MAF: variants seen among roughly 807,000 people sequenced by gnomAD.
MAF encodes transcription factor Maf.
MAF carries 10 observed loss-of-function variants against 22.0 expected under a neutral mutation model. The ratio of observed to expected loss-of-function variants is 0.45; its 90% CI spans 0.28 to 0.77. The LOEUF is 0.77. Ranked by LOEUF, MAF falls within the 30% of genes least tolerant of loss-of-function variation. MAF has a pLI of 0.12. For missense variants in MAF, 544 were observed against 548.4 expected (o/e 0.99, Z 0.08); for synonymous variants, 337 against 255.8 (o/e 1.32, Z -3.03).
chr16:79,562,207 C>A, the MAF span, among the ~76,000 whole-genome samples: 163 of 152,246 alleles, frequency 1.1e-3, 1 homozygote, highest in African/African-American at 3.8e-3. Flanking sequence ...CATTCTGTTC[C>A]CAGTCTTTAC....
At chr16:79,405,884 G>C in the MAF span, among the ~76,000 whole-genome samples, 3 of 152,158 alleles carry the variant, frequency 2.0e-5, no homozygotes, top group Non-Finnish European at 4.4e-5. Flanking sequence ...TTCCTCCCAG[G>C]CTTTCCCATT....
the MAF span, among the ~76,000 whole-genome samples, chr16:79,515,457 A>G: frequency 1.3e-5 from 2 of 152,234 alleles, no homozygotes; most frequent in African/African-American, 4.8e-5. Context: ...TCAACACTTT[A>G]TTACAAAACA....
the MAF span, among the ~76,000 whole-genome samples, chr16:79,398,576 T>C: frequency 6.6e-6 from 1 of 152,122 alleles, no homozygotes; most frequent in Non-Finnish European, 1.5e-5. Context: ...GAGATAGAAG[T>C]CTGATGGTAT....
the MAF span, among the ~76,000 whole-genome samples, chr16:79,489,499 G>A: frequency 6.6e-6 from 1 of 152,218 alleles, no homozygotes; most frequent in Non-Finnish European, 1.5e-5. Context: ...CAATCTTACT[G>A]CATGAGGGAA....
chr16:79,499,574 C>T, the MAF span, among the ~76,000 whole-genome samples: 1 of 152,084 alleles, frequency 6.6e-6, no homozygotes, highest in Non-Finnish European at 1.5e-5. Flanking sequence ...ATGGGGTCAT[C>T]ATGAATGGGG....
At chr16:79,396,148 G>T in the MAF span, among the ~76,000 whole-genome samples, 3 of 152,318 alleles carry the variant, frequency 2.0e-5, 1 homozygote, top group African/African-American at 7.2e-5. Context: ...GCTGCATAAA[G>T]GGTGTTTGTC....
At chr16:79,226,526 A>C in the MAF span, among the ~76,000 whole-genome samples, 1 of 152,022 alleles carries the variant, frequency 6.6e-6, no homozygotes, top group Non-Finnish European at 1.5e-5. Context: ...TAAAGTATAT[A>C]AAAAAATTTA....
chr16:79,500,001 A>G, the MAF span, among the ~76,000 whole-genome samples: 104 of 152,266 alleles, frequency 6.8e-4, no homozygotes, highest in Admixed American at 3.5e-3. Context: ...ACACATAGAG[A>G]GGTTATATAA....
chr16:79,407,793 C>T, the MAF span, among the ~76,000 whole-genome samples: 1 of 152,070 alleles, frequency 6.6e-6, no homozygotes, highest in South Asian at 2.1e-4. Flanking sequence ...TCCAGTCGAG[C>T]CGCCCCACGA....
chr16:79,595,235 CA>C lies in MAF; in HGVS notation c.1119-683del, dbSNP rs369529931. The C allele has an allele frequency of 7.8e-4, 816 of 1,043,452 alleles. 14 individuals carry two copies. In the South Asian group the frequency reaches 0.031, roughly 40 times the overall value. 64.6% of individuals were successfully genotyped at this position (1,043,452 alleles called of 1,614,324 possible). On this transcript the variant is annotated intron_variant, in intron 1 of 1. Transcript: ENST00000326043. ...TGTTAAGCAAAATTAAGTGTGGATT[CA>C]GGAGCCTGTCTAAACTAGCACATAA...
At chr16:79,211,920 G>GCAGT in the MAF span, 3 of 1,543,480 alleles carry the variant, frequency 1.9e-6, no homozygotes, top group African/African-American at 2.7e-5. Flanking sequence ...GGAAATAAGA[G>GCAGT]CAGTCACAAC....
chr16:79,328,821 A>C, the MAF span, among the ~76,000 whole-genome samples: 1 of 152,164 alleles, frequency 6.6e-6, no homozygotes, highest in Admixed American at 6.5e-5. Context: ...TCTCTGTCAG[A>C]TTGAATGCCA....
At chr16:79,284,654 A>C in the MAF span, among the ~76,000 whole-genome samples, 2 of 152,218 alleles carry the variant, frequency 1.3e-5, no homozygotes, top group East Asian at 3.8e-4. Context: ...TGACTTTTTA[A>C]GAAAGGTTGG....
At chr16:79,233,813 G>C in the MAF span, among the ~76,000 whole-genome samples, 1 of 151,928 alleles carries the variant, frequency 6.6e-6, no homozygotes, top group Non-Finnish European at 1.5e-5. Flanking sequence ...CCAACATGGT[G>C]AAACCCTGTT....
chr16:79,335,900 C>T, the MAF span, among the ~76,000 whole-genome samples: 12 of 152,172 alleles, frequency 7.9e-5, no homozygotes, highest in African/African-American at 2.9e-4. Flanking sequence ...AGGGAAGAGC[C>T]AGAGTTTGAC....
chr16:79,350,866 A>T, the MAF span, among the ~76,000 whole-genome samples: 189 of 148,510 alleles, frequency 1.3e-3, 4 homozygotes, highest in African/African-American at 4.6e-3. Context: ...AACAGTGAGA[A>T]GTGTGTGTGT....
At chr16:79,220,371 T>C in the MAF span, among the ~76,000 whole-genome samples, 1 of 151,954 alleles carries the variant, frequency 6.6e-6, no homozygotes, top group South Asian at 2.1e-4. Flanking sequence ...AACCAACTAG[T>C]GTAAATACTG....
chr16:79,344,547 T>G, the MAF span, among the ~76,000 whole-genome samples: 3 of 152,206 alleles, frequency 2.0e-5, no homozygotes, highest in Admixed American at 1.3e-4. Flanking sequence ...TAAAGATAGA[T>G]AGGTTTCCAC....
the MAF span, chr16:79,205,288 G>A: frequency 2.6e-5 from 4 of 152,200 alleles, no homozygotes; most frequent in Non-Finnish European, 4.4e-5. Flanking sequence ...TCAAGCCCCT[G>A]TCATAGACAC....
Sources: gnomAD v4.1 joint callset for allele counts (sites outside exome capture counted in the v4.1 genomes callset) on GRCh38, gnomAD v4.1.1 for gene constraint, MANE v1.5 for transcripts, NCBI Gene and HGNC (gene_info 2026-07-23, HGNC 2026-07-21) for gene names.